The following FNDC3A variants were observed in gnomAD, a reference collection of about 807,000 sequenced individuals.
FNDC3A encodes the protein fibronectin type III domain containing 3A.
A neutral mutation model predicts 148.9 loss-of-function variants in FNDC3A; 32 were observed. That is an observed-to-expected ratio of 0.21 (90% confidence interval 0.16 to 0.29). The LOEUF (loss-of-function observed/expected upper bound fraction) is 0.29. Ranked by LOEUF, FNDC3A falls within the 10% of genes least tolerant of loss-of-function variation. The probability of loss-of-function intolerance (pLI) is 1.00; values close to 1 mark genes in which losing one functional copy is unlikely to be tolerated. For missense variants in FNDC3A, 1,191 were observed against 1,452.8 expected (o/e 0.82, Z 2.93); for synonymous variants, 472 against 473.6 (o/e 1.00, Z 0.04).
At chr13:49,179,453 G>A (rs1885197609) in intron 14 of FNDC3A, among the ~76,000 whole-genome samples, 1 of 152,078 alleles carries the variant, frequency 6.6e-6, no homozygotes, top group Non-Finnish European at 1.5e-5. Context: ...TGTACCCTGT[G>A]AGCATCTTGT....
intron 2 of FNDC3A, among the ~76,000 whole-genome samples, chr13:49,062,525 T>G (rs1173989464): frequency 6.6e-6 from 1 of 152,192 alleles, no homozygotes; most frequent in East Asian, 1.9e-4. Context: ...TTCCTATTTT[T>G]CAGATTGCTC....
intron 2 of FNDC3A, among the ~76,000 whole-genome samples, chr13:49,031,071 A>G (rs1874082184): frequency 6.6e-6 from 1 of 152,158 alleles, no homozygotes; most frequent in Admixed American, 6.5e-5. Context: ...ACAGTGGGAG[A>G]ATTCAGTGTT....
In FNDC3A at chr13:49,198,594, T is replaced by G. The variant is rs1886271612; in HGVS notation, c.2987+20T>G. On this transcript the variant is annotated intron_variant, in intron 23 of 25. Coordinates refer to ENST00000492622, the MANE Select transcript of FNDC3A (RefSeq NM_001079673.2). ...TGGACGGTAGGTTTTTTTAATTGCTTCTTTATATAGTTTCTTAGGTCTTAA... is the reference window on the plus strand; with the variant it reads ...TGGACGGTAGGTTTTTTTAATTGCTGCTTTATATAGTTTCTTAGGTCTTAA... 2 of 1,562,818 alleles carry G rather than the reference T, an allele frequency of 1.3e-6. No homozygotes were observed. Among genetic ancestry groups the G allele is most frequent in the African/African-American group, 2.7e-5 (2 of 73,772 alleles).
chr13:49,050,277 A>C (rs1416688097), intron 2 of FNDC3A, among the ~76,000 whole-genome samples: 1 of 152,218 alleles, frequency 6.6e-6, no homozygotes, highest in Non-Finnish European at 1.5e-5. Context: ...GTAGATATTT[A>C]ATATGATGAA....
In FNDC3A at chr13:49,209,358, G is replaced by A. The variant is rs1886793832; in HGVS notation, c.*1963G>A. The A allele has an allele frequency of 6.6e-6, 1 of 152,646 alleles. No homozygotes were observed. The highest frequency in any genetic ancestry group is 2.4e-5 in the African/African-American group (1 of 41,516). 9.5% of individuals were successfully genotyped at this position (152,646 alleles called of 1,614,324 possible). ...CCATTTGAGCCTCACTGCAAAATTA[G>A]TGCAGAGGAGAAAACAATTTTTAAT... is the stretch of plus-strand genomic sequence containing the variant. On this transcript the variant is annotated 3_prime_UTR_variant, in exon 26 of 26. Transcript: ENST00000492622.
In FNDC3A at chr13:49,073,368, G is replaced by A. The variant is rs150712970; in HGVS notation, c.100-1921G>A. Among the ~76,000 whole-genome samples the A allele has an allele frequency of 3.1e-3, 477 of 152,158 alleles. 2 individuals carry two copies. The highest frequency in any genetic ancestry group is 0.011 in the African/African-American group (464 of 41,518). On this transcript the variant is annotated intron_variant, in intron 2 of 25. Coordinates refer to ENST00000492622, the MANE Select transcript of FNDC3A (RefSeq NM_001079673.2). The stretch of plus-strand genomic sequence containing the variant: ...TACAAAAGAGCTGGTAACAAACTTA[G>A]ACATAACAATCAAAGAAGGATAAAT...
chr13:49,062,169 A>C (rs970206753), intron 2 of FNDC3A, among the ~76,000 whole-genome samples: 1 of 152,106 alleles, frequency 6.6e-6, no homozygotes, highest in African/African-American at 2.4e-5. Context: ...AAATGATCAA[A>C]CCTTACACCA....
chr13:49,057,635 G>A (rs1876348338), intron 2 of FNDC3A, among the ~76,000 whole-genome samples: 1 of 152,096 alleles, frequency 6.6e-6, no homozygotes, highest in African/African-American at 2.4e-5. Context: ...ACACTAACAT[G>A]TTCTAATATA....
intron 4 of FNDC3A, among the ~76,000 whole-genome samples, chr13:49,119,750 A>G (rs1236779190): frequency 6.6e-6 from 1 of 151,930 alleles, no homozygotes; most frequent in African/African-American, 2.4e-5. Context: ...GAGATTGAAG[A>G]TCAACTTAAT....
chr13:49,115,516 C>T (rs1880893309), intron 4 of FNDC3A, among the ~76,000 whole-genome samples: 1 of 152,196 alleles, frequency 6.6e-6, no homozygotes, highest in Non-Finnish European at 1.5e-5. Context: ...TCTGCACACT[C>T]TGTGAAGCAC....
chr13:49,167,114 T>A (rs544523932), intron 8 of FNDC3A, 130 bp from the exon 9 acceptor site: 5 of 519,610 alleles, frequency 9.6e-6, no homozygotes, highest in Admixed American at 7.4e-5. Context: ...ATTAGTGGAA[T>A]CTGAATACAG....
intron 2 of FNDC3A, among the ~76,000 whole-genome samples, chr13:49,037,613 C>T (rs748537821): frequency 1.8e-4 from 28 of 152,210 alleles, no homozygotes; most frequent in Admixed American, 1.5e-3. Flanking sequence ...GAAGTCCTCA[C>T]CTTCAGTATC....
At chr13:49,060,370 C>CTT (rs1876579542) in intron 2 of FNDC3A, among the ~76,000 whole-genome samples, 3 of 151,804 alleles carry the variant, frequency 2.0e-5, no homozygotes, top group Non-Finnish European at 4.4e-5. Context: ...TGAGGCGGGG[C>CTT]TGGTGGCTCA....
chr13:49,093,339 T>C (rs374695985), intron 3 of FNDC3A, among the ~76,000 whole-genome samples: 4 of 152,318 alleles, frequency 2.6e-5, no homozygotes, highest in African/African-American at 7.2e-5. Flanking sequence ...TGCACAGATA[T>C]TGCCTTATAG....
chr13:49,046,121 C>A, intron 2 of FNDC3A: 1 of 158,514 alleles, frequency 6.3e-6, no homozygotes, highest in Non-Finnish European at 1.4e-5. Context: ...GGGCAGTCTG[C>A]ACATTCTTTC....
chr13:49,097,762 A>G (rs947979102), intron 3 of FNDC3A, among the ~76,000 whole-genome samples: 1 of 152,054 alleles, frequency 6.6e-6, no homozygotes, highest in African/African-American at 2.4e-5. Context: ...AACCTTATAC[A>G]TATGATTACT....
intron 4 of FNDC3A, among the ~76,000 whole-genome samples, chr13:49,119,332 A>T (rs1249720078): frequency 6.6e-6 from 1 of 152,184 alleles, no homozygotes; most frequent in Non-Finnish European, 1.5e-5. Flanking sequence ...TCCACACAGA[A>T]ACCCCATCCG....
At chr13:49,164,035 A>G (rs542718467) in intron 8 of FNDC3A, among the ~76,000 whole-genome samples, 1 of 152,224 alleles carries the variant, frequency 6.6e-6, no homozygotes, top group South Asian at 2.1e-4. Context: ...TCCAGGTGTA[A>G]GACTCCCTCA....
At chr13:49,036,606 T>C (rs1874511720) in intron 2 of FNDC3A, among the ~76,000 whole-genome samples, 1 of 152,216 alleles carries the variant, frequency 6.6e-6, no homozygotes, top group Non-Finnish European at 1.5e-5. Context: ...TGTACCACTC[T>C]AGTCTCTGTA....
Sources: gnomAD v4.1 joint callset for allele counts (sites outside exome capture counted in the v4.1 genomes callset) on GRCh38, gnomAD v4.1.1 for gene constraint, MANE v1.5 for transcripts, NCBI Gene and HGNC (gene_info 2026-07-23, HGNC 2026-07-21) for gene names.